SLC22A3: variants seen among roughly 807,000 people sequenced by gnomAD.
SLC22A3 encodes the protein solute carrier family 22 member 3, also known as EMT organic cation transporter 3.
A neutral mutation model predicts 59.1 loss-of-function variants in SLC22A3; 51 were observed. That is an observed-to-expected ratio of 0.86 (90% CI 0.69 to 1.09). The LOEUF (loss-of-function observed/expected upper bound fraction) is 1.09. Ranked by LOEUF, SLC22A3 falls within the 50% of genes least tolerant of loss-of-function variation. The pLI is 0.00. For synonymous variants in SLC22A3, 325 were observed against 292.0 expected (o/e 1.11, Z -1.15); for missense variants, 711 against 726.3 (o/e 0.98, Z 0.24).
In SLC22A3 at chr6:160,451,179, T is replaced by TA; in HGVS notation, c.*126dup. The TA allele has an allele frequency of 1.2e-6, 1 of 819,726 alleles. No homozygotes were observed. The highest frequency in any genetic ancestry group is 1.5e-5 in the South Asian group (1 of 67,508). The allele number at this position is 819,726 out of a possible 1,614,324, so 50.8% of individuals were successfully genotyped here. A position where few individuals can be genotyped will look rare whatever the true frequency, so the allele number is the denominator to read the frequency against. On this transcript the variant is annotated 3_prime_UTR_variant, in exon 11 of 11. Coordinates refer to ENST00000275300, the MANE Select transcript of SLC22A3 (RefSeq NM_021977.4). ...CATGCCGCGCTGTTGTAATACTGTA[T>TA]AAAGACCTCAATCTATCCAGAGTAT... is the stretch of plus-strand genomic sequence containing the variant.
chr6:160,392,116 C>T (rs1786283023), intron 1 of SLC22A3, among the ~76,000 whole-genome samples: 1 of 152,158 alleles, frequency 6.6e-6, no homozygotes. Context: ...GACCCACACT[C>T]CCTTCCCCAT....
chr6:160,423,591 C>T (rs1241398626), intron 5 of SLC22A3, among the ~76,000 whole-genome samples: 1 of 152,198 alleles, frequency 6.6e-6, no homozygotes, highest in African/African-American at 2.4e-5. Flanking sequence ...TGATGATGAG[C>T]ATTTTTTCAT....
intron 1 of SLC22A3, 145 bp downstream of exon 1, chr6:160,348,993 C>G: frequency 6.7e-7 from 1 of 1,503,486 alleles, no homozygotes; most frequent in Non-Finnish European, 8.8e-7. Flanking sequence ...AGACAGGATT[C>G]AGCGCACCCT....
chr6:160,385,144 T>C (rs545502530), intron 1 of SLC22A3, among the ~76,000 whole-genome samples: 11 of 152,368 alleles, frequency 7.2e-5, no homozygotes, highest in African/African-American at 2.6e-4. Context: ...CTCTTGTGTC[T>C]CACTGAAAGC....
intron 9 of SLC22A3, among the ~76,000 whole-genome samples, chr6:160,447,436 G>T (rs548283593): frequency 6.6e-6 from 1 of 152,338 alleles, no homozygotes; most frequent in South Asian, 2.1e-4. Flanking sequence ...GGCCTTGGGT[G>T]TTGGACCCTA....
chr6:160,399,935 T>G lies in SLC22A3; in HGVS notation c.533+1853T>G, dbSNP rs537038471. Among the ~76,000 whole-genome samples, 3 of 152,008 alleles carry G rather than the reference T, an allele frequency of 2.0e-5. No homozygotes were observed. In the South Asian group the frequency reaches 6.3e-4, roughly 32 times the overall value. On this transcript the variant is annotated intron_variant, in intron 2 of 10. Transcript: ENST00000275300. ...TAGAAAGACAGGAGAATACAGAGAA[T>G]CATAACACAGGCGCAGAAACCTCCT...
intron 1 of SLC22A3, among the ~76,000 whole-genome samples, chr6:160,367,218 C>T (rs1785235886): frequency 6.6e-6 from 1 of 152,162 alleles, no homozygotes; most frequent in Non-Finnish European, 1.5e-5. Flanking sequence ...GGGAAGTAAA[C>T]ATGTCCTTCA....
At chr6:160,407,258 A>G (rs1179198587) in intron 3 of SLC22A3, 63 bp downstream of exon 3, 5 of 1,506,754 alleles carry the variant, frequency 3.3e-6, no homozygotes, top group South Asian at 2.6e-5. Context: ...AACAAATGCT[A>G]GTTAATCAAC....
In SLC22A3 at chr6:160,381,592, CACTT is replaced by C. The variant is rs554073303; in HGVS notation, c.430-16385_430-16382del. The stretch of plus-strand genomic sequence containing the variant: ...GGTTTAACACATAAATTGAGACACA[CACTT>C]AATTAGGCCTAAGAAAGAAGTGGAA... On this transcript the variant is annotated intron_variant, in intron 1 of 10. Transcript: ENST00000275300. Among the ~76,000 whole-genome samples, 124 of 152,300 alleles carry C rather than the reference CACTT, an allele frequency of 8.1e-4. 1 individual carries two copies. The highest frequency in any genetic ancestry group is 2.8e-3 in the African/African-American group (115 of 41,540).
chr6:160,433,051 T>C (rs1454889839), intron 5 of SLC22A3, among the ~76,000 whole-genome samples: 1 of 152,224 alleles, frequency 6.6e-6, no homozygotes, highest in East Asian at 1.9e-4. Context: ...AAATAAATTT[T>C]ATTGGAAGCC....
Position 160,410,763 on chromosome 6 carries a change from C to T in SLC22A3, c.892C>T (p.Arg298Trp), listed in dbSNP as rs1167977709. 20 of 1,612,980 alleles carry T rather than the reference C, an allele frequency of 1.2e-5. No individual in the cohort carries two copies. Among genetic ancestry groups the T allele is most frequent in the Admixed American group, 1.0e-4 (6 of 59,936 alleles). ...TGAGTCTCCCCGTTGGCTGATTACT[C>T]GGAAGAAAGGAGATAAAGCATTACA... ...VPESPRWLITRKKGDKALQIL... is the reference protein window; with the variant it reads ...VPESPRWLITWKKGDKALQIL... Residue 298 changes from arginine (R) to tryptophan (W), a missense_variant, in exon 5 of 11, where the codon CGG becomes TGG. By Grantham distance (101) the Arg-to-Trp change is moderately radical. Transcript: ENST00000275300.
chr6:160,377,600 A>G (rs912762589), intron 1 of SLC22A3, among the ~76,000 whole-genome samples: 2 of 152,200 alleles, frequency 1.3e-5, no homozygotes, highest in Non-Finnish European at 2.9e-5. Flanking sequence ...CTCTTTGCCC[A>G]GAAAACCTTG....
At chr6:160,420,835 A>G (rs1271824256) in intron 5 of SLC22A3, among the ~76,000 whole-genome samples, 4 of 152,204 alleles carry the variant, frequency 2.6e-5, no homozygotes, top group East Asian at 1.9e-4. Context: ...CTAGAAGAAG[A>G]CACGGGATTC....
chr6:160,349,321 A>T (rs1049036662), intron 1 of SLC22A3, among the ~76,000 whole-genome samples: 1 of 152,184 alleles, frequency 6.6e-6, no homozygotes, highest in African/African-American at 2.4e-5. Context: ...CAACGTTTGA[A>T]GGCAGCAGCA....
chr6:160,370,821 A>G (rs1005406259), intron 1 of SLC22A3, among the ~76,000 whole-genome samples: 1 of 152,182 alleles, frequency 6.6e-6, no homozygotes, highest in Non-Finnish European at 1.5e-5. Context: ...GCCCCTTATC[A>G]TTAAGTTTTT....
chr6:160,411,169 C>T (rs1755423103), intron 5 of SLC22A3, among the ~76,000 whole-genome samples: 1 of 152,128 alleles, frequency 6.6e-6, no homozygotes, highest in South Asian at 2.1e-4. Flanking sequence ...CACCAAGTTA[C>T]TTGAATTATT....
intron 1 of SLC22A3, among the ~76,000 whole-genome samples, chr6:160,375,701 G>A (rs1785564218): frequency 6.6e-6 from 1 of 152,170 alleles, no homozygotes; most frequent in Non-Finnish European, 1.5e-5. Flanking sequence ...TGAAAGTCTT[G>A]CATATTTCCT....
rs182292253 is a variant in SLC22A3, at chr6:160,415,128, G to A, written c.975+4282G>A. On this transcript the variant is annotated intron_variant, in intron 5 of 10. Transcript: ENST00000275300. The surrounding 1 kb of genome is among the most constrained non-coding windows in gnomAD (Gnocchi z 4.1). ...TCTTTAATCTTTTTAATTGTACAGC[G>A]TAAGCAGAAAAGCAAAGTGTTATCT... Among the ~76,000 whole-genome samples, 8 of 152,244 alleles carry A rather than the reference G, an allele frequency of 5.3e-5. No individual in the cohort carries two copies. The highest frequency in any genetic ancestry group is 3.9e-4 in the East Asian group (2 of 5,180).
At chr6:160,378,835 T>C (rs1785691900) in intron 1 of SLC22A3, among the ~76,000 whole-genome samples, 1 of 152,220 alleles carries the variant, frequency 6.6e-6, no homozygotes, top group Non-Finnish European at 1.5e-5. Context: ...TTATTGGATA[T>C]AGTATCAGTT....
Sources: allele counts gnomAD v4.1 joint callset (sites outside exome capture counted in the v4.1 genomes callset), GRCh38; gene constraint gnomAD v4.1.1; non-coding constraint Gnocchi (gnomAD v3.1); transcripts MANE v1.5; gene names NCBI Gene and HGNC (gene_info 2026-07-23, HGNC 2026-07-21).